APBB2: variants seen among roughly 807,000 people sequenced by gnomAD.
APBB2 encodes amyloid beta precursor protein binding family B member 2.
APBB2 carries 38 observed loss-of-function variants against 82.5 expected under a neutral mutation model. The observed-to-expected ratio is 0.46, with a 90% confidence interval of 0.36 to 0.60. The LOEUF (loss-of-function observed/expected upper bound fraction) is 0.60, where lower values mean the gene tolerates loss of function less well. Ranked by LOEUF, APBB2 falls within the 20% of genes least tolerant of loss-of-function variation. APBB2 has a pLI of 0.00. For synonymous variants in APBB2, 341 were observed against 368.2 expected (o/e 0.93, Z 0.85); for missense variants, 772 against 972.3 (o/e 0.79, Z 2.74).
intron 1 of APBB2, among the ~76,000 whole-genome samples, chr4:41,213,480 G>A (rs1779831988): frequency 6.6e-6 from 1 of 152,142 alleles, no homozygotes; most frequent in Non-Finnish European, 1.5e-5. Flanking sequence ...AGAACGGTCG[G>A]TGACAACTCC....
chr4:41,196,282 T>C, intron 1 of APBB2, among the ~76,000 whole-genome samples: 1 of 152,196 alleles, frequency 6.6e-6, no homozygotes, highest in South Asian at 2.1e-4. Context: ...TTAGTTACTG[T>C]CTATAGTCCT....
intron 12 of APBB2, chr4:40,880,634 G>A (rs974531589): frequency 2.7e-5 from 27 of 985,242 alleles, no homozygotes; most frequent in African/African-American, 5.2e-5. Context: ...AGAAGATCAC[G>A]GCACTTTGAG....
intron 2 of APBB2, among the ~76,000 whole-genome samples, chr4:41,107,960 A>G (rs970189511): frequency 2.0e-5 from 3 of 152,234 alleles, no homozygotes; most frequent in African/African-American, 7.2e-5. Flanking sequence ...GTAACAGGTG[A>G]AATCTGAACA....
intron 3 of APBB2, among the ~76,000 whole-genome samples, chr4:41,074,029 G>A (rs151235441): frequency 5.3e-4 from 81 of 152,296 alleles, no homozygotes; most frequent in African/African-American, 1.7e-3. Flanking sequence ...GGGAGGCTGA[G>A]GCAGGAGGAT....
rs193187864 is a variant in APBB2, at chr4:40,966,591, G to C, written c.836-21518C>G. ...TCAGAAGTGCCTGTTCCTGCTGCCT[G>C]GCCTCTCCCCACTCCAATTTTGGAG... On this transcript the variant is annotated intron_variant, in intron 6 of 17. Coordinates refer to ENST00000508593, the MANE Select transcript of APBB2 (RefSeq NM_004307.2). Among the ~76,000 whole-genome samples, 493 of 152,334 alleles carry C rather than the reference G, an allele frequency of 3.2e-3. 5 individuals carry two copies. The highest frequency in any genetic ancestry group is 0.011 in the African/African-American group (478 of 41,572).
chr4:40,915,541 G>T (rs552170410), intron 10 of APBB2, among the ~76,000 whole-genome samples: 1 of 152,280 alleles, frequency 6.6e-6, no homozygotes, highest in South Asian at 2.1e-4. Flanking sequence ...TATCTTCAGG[G>T]CTAATTTCAC....
chr4:40,838,625 C>T (rs1417136785), intron 12 of APBB2, among the ~76,000 whole-genome samples: 1 of 151,606 alleles, frequency 6.6e-6, no homozygotes, highest in Non-Finnish European at 1.5e-5. Flanking sequence ...GTGAGCCACG[C>T]GCCTTGCCAA....
intron 7 of APBB2, among the ~76,000 whole-genome samples, chr4:40,944,448 A>G (rs951838704): frequency 6.6e-6 from 1 of 152,224 alleles, no homozygotes; most frequent in Non-Finnish European, 1.5e-5. Flanking sequence ...CCACGCTATC[A>G]AACGAGCCCA....
At chr4:40,896,560 G>C (rs1411413532) in intron 10 of APBB2, among the ~76,000 whole-genome samples, 1 of 152,176 alleles carries the variant, frequency 6.6e-6, no homozygotes, top group South Asian at 2.1e-4. Context: ...AGTGAACTTA[G>C]AAAATAAAAA....
chr4:40,901,907 TTA>T (rs1485703265), intron 10 of APBB2, among the ~76,000 whole-genome samples: 1,274 of 121,560 alleles, frequency 0.01, 7 homozygotes, highest in African/African-American at 0.028. Flanking sequence ...ATATCCAAAA[TTA>T]TGTGTGTGTG....
chr4:41,103,920 G>C (rs1746281534), intron 2 of APBB2, among the ~76,000 whole-genome samples: 1 of 152,022 alleles, frequency 6.6e-6, no homozygotes. Context: ...GTCCCAATAG[G>C]GATGTTTAAA....
chr4:40,864,521 T>C (rs1763583092), intron 12 of APBB2, among the ~76,000 whole-genome samples: 1 of 152,216 alleles, frequency 6.6e-6, no homozygotes, highest in Admixed American at 6.5e-5. Flanking sequence ...GCCTGGAGTC[T>C]TCCTGTTCTG....
intron 6 of APBB2, among the ~76,000 whole-genome samples, chr4:41,006,838 T>A (rs1402104222): frequency 6.6e-6 from 1 of 152,204 alleles, no homozygotes; most frequent in African/African-American, 2.4e-5. Flanking sequence ...CCATCTGAGC[T>A]AAAATGAACA....
intron 12 of APBB2, among the ~76,000 whole-genome samples, chr4:40,830,938 A>C (rs1751660226): frequency 6.6e-6 from 1 of 152,108 alleles, no homozygotes; most frequent in Non-Finnish European, 1.5e-5. Context: ...AAAAAACAAA[A>C]AACAAACAAA....
intron 12 of APBB2, among the ~76,000 whole-genome samples, chr4:40,852,765 C>T (rs1421232607): frequency 1.3e-5 from 2 of 152,106 alleles, no homozygotes; most frequent in African/African-American, 4.8e-5. Context: ...CTCAGCCTCC[C>T]TAGTAGCTGG....
chr4:41,209,246 G>A (rs1778726589), intron 1 of APBB2, among the ~76,000 whole-genome samples: 1 of 152,138 alleles, frequency 6.6e-6, no homozygotes, highest in Non-Finnish European at 1.5e-5. Flanking sequence ...GGTTAATGAG[G>A]CTGAGTTTTG....
intron 12 of APBB2, chr4:40,880,702 C>T: frequency 1.0e-6 from 1 of 985,386 alleles, no homozygotes; most frequent in Non-Finnish European, 1.2e-6. Flanking sequence ...CAGAAAGGCC[C>T]ATCCTTTGTC....
chr4:40,928,419 CACACACACA>C (rs752241682), intron 10 of APBB2, among the ~76,000 whole-genome samples: 4,569 of 70,120 alleles, frequency 0.065, 94 homozygotes, highest in Middle Eastern at 0.12. Flanking sequence ...CACACACACA[CACACACACA>C]ATCAGCCAGG....
rs541511038 is a variant in APBB2, at chr4:40,979,945, G to A, written c.835+33638C>T. Among the ~76,000 whole-genome samples the A allele has an allele frequency of 3.3e-5, 5 of 152,286 alleles. No homozygotes were observed. In the South Asian group the frequency reaches 1.0e-3, roughly 32 times the overall value. The stretch of plus-strand genomic sequence containing the variant: ...TACATGTGTCATTATTTGTTATGCG[G>A]CAATAGAAAACTAATATAAGACACC... On this transcript the variant is annotated intron_variant, in intron 6 of 17. Transcript: ENST00000508593.
Sources: gnomAD v4.1 joint callset for allele counts (sites outside exome capture counted in the v4.1 genomes callset) on GRCh38, gnomAD v4.1.1 for gene constraint, MANE v1.5 for transcripts, NCBI Gene and HGNC (gene_info 2026-07-23, HGNC 2026-07-21) for gene names.